RAF1: variants seen among roughly 807,000 people sequenced by gnomAD.
The protein encoded by RAF1 is Raf-1 proto-oncogene, serine/threonine kinase.
In RAF1, 27 loss-of-function variants were observed where a neutral mutation model predicts 81.1. That is an observed-to-expected ratio of 0.33 (90% CI 0.25 to 0.46). The LOEUF (loss-of-function observed/expected upper bound fraction) is 0.46. Among genes scored for constraint, RAF1 ranks in the 20% least tolerant of loss-of-function variants. RAF1 has a pLI of 1.00. For missense variants in RAF1, 598 were observed against 826.0 expected (o/e 0.72, Z 3.38); for synonymous variants, 298 against 294.0 (o/e 1.01, Z -0.14).
chr3:12,588,056 T>C (rs1360445256), intron 13 of RAF1: 1 of 153,508 alleles, frequency 6.5e-6, no homozygotes, highest in Non-Finnish European at 1.4e-5. Flanking sequence ...TCCTCCCATG[T>C]TGGCCTCCAA....
intron 1 of RAF1, among the ~76,000 whole-genome samples, chr3:12,622,860 A>G (rs2059592095): frequency 6.6e-6 from 1 of 152,186 alleles, no homozygotes; most frequent in Admixed American, 6.5e-5. Flanking sequence ...TTAGTGGTAC[A>G]TCTTTAAAAA....
intron 6 of RAF1, among the ~76,000 whole-genome samples, chr3:12,605,362 A>AC (rs970522207): frequency 1.3e-5 from 2 of 151,064 alleles, no homozygotes; most frequent in African/African-American, 4.9e-5. Flanking sequence ...ATCTCAGCTC[A>AC]CTGCCTACCA....
intron 1 of RAF1, among the ~76,000 whole-genome samples, chr3:12,652,368 A>C (rs2060559741): frequency 6.6e-6 from 1 of 150,740 alleles, no homozygotes; most frequent in Non-Finnish European, 1.5e-5. Context: ...TAAAAATACA[A>C]AAATTAACTG....
intron 1 of RAF1, among the ~76,000 whole-genome samples, chr3:12,661,697 C>T (rs1437607620): frequency 6.6e-6 from 1 of 151,268 alleles, no homozygotes; most frequent in Admixed American, 6.6e-5. Flanking sequence ...AGTGAGACTC[C>T]GTCGCAAAAA....
At chr3:12,633,504 A>G (rs1460470767) in intron 1 of RAF1, among the ~76,000 whole-genome samples, 1 of 149,634 alleles carries the variant, frequency 6.7e-6, no homozygotes, top group African/African-American at 2.5e-5. Flanking sequence ...AAAAAAAAAG[A>G]AAGGAAAAGA....
intron 2 of RAF1, 53 bp downstream of exon 2, chr3:12,618,462 G>A: frequency 6.4e-7 from 1 of 1,568,034 alleles, no homozygotes; most frequent in Non-Finnish European, 8.8e-7. Context: ...GATCCTTAAT[G>A]TGCTCCACAG....
rs755540308 is a variant in RAF1, at chr3:12,604,116, C to T, written c.834+20G>A. 2 of 1,613,514 alleles carry T rather than the reference C, an allele frequency of 1.2e-6. No individual in the cohort carries two copies. On this transcript the variant is annotated intron_variant, in intron 7 of 17. Coordinates refer to ENST00000442415, the MANE Select transcript of RAF1 (RefSeq NM_001354689.3). ...CCCCATTAATTGACTGACATTACCA[C>T]CCCCAAGGTGCCCTATTACCTCAAT...
At chr3:12,615,598 T>C (rs577502094) in intron 2 of RAF1, among the ~76,000 whole-genome samples, 3 of 152,318 alleles carry the variant, frequency 2.0e-5, no homozygotes, top group African/African-American at 7.2e-5. Context: ...AGCAGCTAGT[T>C]CTTCCACAGT....
intron 1 of RAF1, among the ~76,000 whole-genome samples, chr3:12,656,939 G>C (rs2060712840): frequency 6.6e-6 from 1 of 151,148 alleles, no homozygotes; most frequent in Non-Finnish European, 1.5e-5. Context: ...AGAGGTTGCA[G>C]TGAACCAACA....
chr3:12,652,947 A>G (rs1349734652), intron 1 of RAF1, among the ~76,000 whole-genome samples: 1 of 91,766 alleles, frequency 1.1e-5, no homozygotes, highest in Non-Finnish European at 2.2e-5. Flanking sequence ...TCTCAAAAAA[A>G]AAAAATTTTT....
intron 4 of RAF1, 110 bp from the exon 5 acceptor site, chr3:12,609,033 G>A (rs1451024418): frequency 4.8e-6 from 6 of 1,250,372 alleles, no homozygotes; most frequent in Non-Finnish European, 6.9e-6. Flanking sequence ...CATACTTCCA[G>A]CATGTACAGA....
At chr3:12,630,918 C>T (rs1398814288) in intron 1 of RAF1, among the ~76,000 whole-genome samples, 2 of 152,200 alleles carry the variant, frequency 1.3e-5, no homozygotes, top group East Asian at 3.8e-4. Context: ...ATTCTCCCAC[C>T]TCAGCCTCCT....
chr3:12,608,415 A>G (rs1192249755), intron 5 of RAF1: 4 of 237,722 alleles, frequency 1.7e-5, no homozygotes, highest in Admixed American at 5.0e-5. Context: ...AACAAAATAC[A>G]GAGCAGTGTC....
rs2058820862 is a variant in RAF1, at chr3:12,600,273, G to T, written c.929C>A (p.Pro310His). Residue 310 changes from proline (P) to histidine (H), a missense_variant, in exon 10 of 18, where the codon CCT becomes CAT. Physicochemically the swap from Pro to His is moderately conservative, Grantham distance 77. This residue lies in a region of RAF1 where 194 missense variants were observed against 202.7 expected (regional missense o/e 0.96). Coordinates refer to ENST00000442415, the MANE Select transcript of RAF1 (RefSeq NM_001354689.3). ...GTTGGGGCTACTGGACAGGGCTGAAGGTGAGGCTTAATAGACAAGACAAAC... is the reference window on the plus strand; with the variant it reads ...GTTGGGGCTACTGGACAGGGCTGAATGTGAGGCTTAATAGACAAGACAAAC... 2.5e-6 allele frequency: 4 copies of T among 1,614,142 alleles called. No individual in the cohort carries two copies. Among genetic ancestry groups the T allele is most frequent in the Non-Finnish European group, 3.4e-6 (4 of 1,180,040 alleles).
At chr3:12,628,754 G>GC (rs1314028667) in intron 1 of RAF1, among the ~76,000 whole-genome samples, 1 of 89,976 alleles carries the variant, frequency 1.1e-5, no homozygotes, top group East Asian at 2.4e-4. Flanking sequence ...CTATTTTTGG[G>GC]GGGGGGGGGT....
chr3:12,607,899 C>T (rs537099914), intron 5 of RAF1, among the ~76,000 whole-genome samples: 3 of 133,650 alleles, frequency 2.2e-5, no homozygotes, highest in South Asian at 4.8e-4. Flanking sequence ...TGCAGTGAGC[C>T]GAGATCATGC....
intron 2 of RAF1, among the ~76,000 whole-genome samples, chr3:12,613,718 A>T (rs1357893000): frequency 6.6e-6 from 1 of 152,218 alleles, no homozygotes; most frequent in Non-Finnish European, 1.5e-5. Context: ...GAAAGAAGGG[A>T]ATGCATGTAA....
intron 6 of RAF1, among the ~76,000 whole-genome samples, chr3:12,605,833 G>GTTAA (rs2059010820): frequency 6.6e-6 from 1 of 152,204 alleles, no homozygotes; most frequent in African/African-American, 2.4e-5. Context: ...GCATTTCAAA[G>GTTAA]TTAAGGGTTT....
chr3:12,631,243 G>T (rs367553809), intron 1 of RAF1, among the ~76,000 whole-genome samples: 1 of 152,286 alleles, frequency 6.6e-6, no homozygotes, highest in South Asian at 2.1e-4. Flanking sequence ...AAGTTCAGAA[G>T]ATGTCTGGGC....
Sources: gnomAD v4.1 joint callset for allele counts (sites outside exome capture counted in the v4.1 genomes callset) on GRCh38, gnomAD v4.1.1 for gene constraint, gnomAD v4.1.1 regional missense constraint, MANE v1.5 for transcripts, NCBI Gene and HGNC (gene_info 2026-07-23, HGNC 2026-07-21) for gene names.